CYP2J2: variants seen among roughly 807,000 people sequenced by gnomAD.
The protein encoded by CYP2J2 is cytochrome P450 family 2 subfamily J member 2, also known as cytochrome P450 2J2.
CYP2J2 carries 41 observed loss-of-function variants against 48.8 expected under a neutral mutation model. That is an observed-to-expected ratio of 0.84 (90% CI 0.66 to 1.09). The LOEUF is 1.09. Ranked by LOEUF, CYP2J2 falls within the 50% of genes least tolerant of loss-of-function variation. The probability of loss-of-function intolerance (pLI) is 0.00; values close to 1 mark genes in which losing one functional copy is unlikely to be tolerated. For synonymous variants in CYP2J2, 221 were observed against 227.1 expected (o/e 0.97, Z 0.24); for missense variants, 644 against 617.3 (o/e 1.04, Z -0.46).
chr1:59,938,287 C>T, the CYP2J2 span, among the ~76,000 whole-genome samples: 6 of 152,172 alleles, frequency 3.9e-5, no homozygotes, highest in Non-Finnish European at 7.3e-5. Context: ...TGGCGCTCAG[C>T]ATGCGGAGGA....
At chr1:59,904,818 A>C (rs1644351207) in intron 7 of CYP2J2, 53 bp downstream of exon 7, 11 of 1,469,284 alleles carry the variant, frequency 7.5e-6, no homozygotes, top group Non-Finnish European at 1.0e-5. Flanking sequence ...GTCACTTCTC[A>C]AGTTCAAGTT....
At chr1:59,909,649 T>C (rs1358682683) in intron 5 of CYP2J2, 135 bp downstream of exon 5, 3 of 623,768 alleles carry the variant, frequency 4.8e-6, no homozygotes, top group Non-Finnish European at 5.4e-6. Flanking sequence ...TTCTGATATC[T>C]AGAACTGTGA....
the CYP2J2 span, among the ~76,000 whole-genome samples, chr1:59,967,826 T>C: frequency 4.9e-4 from 74 of 152,346 alleles, no homozygotes; most frequent in African/African-American, 1.8e-3. Context: ...AATTGTTTTA[T>C]TTATATTTCC....
the CYP2J2 span, among the ~76,000 whole-genome samples, chr1:59,932,699 A>T: frequency 2.7e-5 from 4 of 147,814 alleles, no homozygotes; most frequent in East Asian, 1.9e-4. Context: ...TTATTTTCTT[A>T]TTCTATTTTT....
chr1:59,958,416 G>A, the CYP2J2 span, among the ~76,000 whole-genome samples: 305 of 152,196 alleles, frequency 2.0e-3, no homozygotes, highest in Non-Finnish European at 2.6e-3. Flanking sequence ...TTCTCCTCTG[G>A]GAATACCGCC....
intron 4 of CYP2J2, among the ~76,000 whole-genome samples, chr1:59,910,662 A>G (rs1185544286): frequency 6.6e-6 from 1 of 152,210 alleles, no homozygotes; most frequent in East Asian, 1.9e-4. Context: ...AAGCACACAT[A>G]CATACAAATC....
chr1:59,947,564 C>T, the CYP2J2 span, among the ~76,000 whole-genome samples: 1 of 152,114 alleles, frequency 6.6e-6, no homozygotes, highest in South Asian at 2.1e-4. Context: ...CCCAGAGTTG[C>T]TAGGAGAGCT....
rs867037027 is a variant in CYP2J2 at position 59,904,937 on chromosome 1, G to A, written c.1125C>T (p.Ile375=). Residue 375 remains isoleucine, a synonymous_variant, in exon 7 of 9, where the codon ATC becomes ATT. Coordinates refer to ENST00000371204, the MANE Select transcript of CYP2J2 (RefSeq NM_000775.4). ...VIHEVQRMGN[I]IPLNVPREVT... ...CTTCCCTGGGAACGTTCAGGGGGAT[G>A]ATGTTGCCCATTCTCTGCACCTCAT... is the stretch of plus-strand genomic sequence containing the variant. 6.2e-7 allele frequency: 1 copy of A among 1,613,906 alleles called. No individual in the cohort carries two copies. Among genetic ancestry groups the A allele is most frequent in the East Asian group, 2.2e-5 (1 of 44,854 alleles).
At chr1:59,947,282 A>G in the CYP2J2 span, among the ~76,000 whole-genome samples, 1 of 152,222 alleles carries the variant, frequency 6.6e-6, no homozygotes, top group Non-Finnish European at 1.5e-5. Flanking sequence ...TCATCTGTGT[A>G]GTTTGAAAAC....
intron 8 of CYP2J2, among the ~76,000 whole-genome samples, chr1:59,894,391 T>C (rs1644251038): frequency 1.3e-5 from 2 of 152,290 alleles, no homozygotes; most frequent in South Asian, 4.2e-4. Context: ...TGGTTCTTCT[T>C]ATGCACAGTG....
chr1:59,915,821 G>C, intron 2 of CYP2J2, 117 bp downstream of exon 2: 1 of 968,530 alleles, frequency 1.0e-6, no homozygotes, highest in Non-Finnish European at 1.5e-6. Flanking sequence ...GTGGCAGGAA[G>C]TTTATTATGG....
intron 8 of CYP2J2, among the ~76,000 whole-genome samples, chr1:59,898,901 G>T (rs561813621): frequency 6.6e-6 from 1 of 152,306 alleles, no homozygotes; most frequent in South Asian, 2.1e-4. Flanking sequence ...CAAAGCAGCA[G>T]TGAGTCACCA....
chr1:59,896,328 GTA>G (rs59615950), intron 8 of CYP2J2, among the ~76,000 whole-genome samples: 151 of 146,662 alleles, frequency 1.0e-3, no homozygotes, highest in African/African-American at 2.4e-3. Context: ...TACACACCAA[GTA>G]TATATATATA....
upstream of CYP2J2, among the ~76,000 whole-genome samples, chr1:59,930,113 T>C (rs915832509): frequency 7.9e-5 from 12 of 152,146 alleles, no homozygotes; most frequent in Non-Finnish European, 1.0e-4. Context: ...TAGGATGATA[T>C]ATTCTAAGTG....
At chr1:59,934,219 CAGACAAA>C in the CYP2J2 span, among the ~76,000 whole-genome samples, 3 of 152,054 alleles carry the variant, frequency 2.0e-5, no homozygotes, top group Non-Finnish European at 2.9e-5. Flanking sequence ...TTATATAACA[CAGACAAA>C]AATAAACTCA....
chr1:59,893,455 T>G lies in CYP2J2; in HGVS notation c.*196A>C, dbSNP rs1644240822. 8 of 483,438 alleles carry G rather than the reference T, an allele frequency of 1.7e-5. No homozygotes were observed. The East Asian group carries it at 2.5e-4, about 15-fold the overall frequency. The allele number at this position is 483,438 out of a possible 1,614,324, so 29.9% of individuals were successfully genotyped here. ...ATAAAAAGGTAAATTATTTAGCATATAAATGATTTTCCCAAGGCTAATTCG... is the reference window on the plus strand; with the variant it reads ...ATAAAAAGGTAAATTATTTAGCATAGAAATGATTTTCCCAAGGCTAATTCG... On this transcript the variant is annotated 3_prime_UTR_variant, in exon 9 of 9. Transcript: ENST00000371204.
At chr1:59,896,507 A>G (rs1027904825) in intron 8 of CYP2J2, among the ~76,000 whole-genome samples, 4 of 152,034 alleles carry the variant, frequency 2.6e-5, no homozygotes, top group Non-Finnish European at 4.4e-5. Flanking sequence ...TATCCTCAAT[A>G]TATTTACTTA....
the CYP2J2 span, among the ~76,000 whole-genome samples, chr1:59,938,630 C>T: frequency 1.8e-4 from 28 of 151,546 alleles, no homozygotes; most frequent in South Asian, 4.4e-3. Context: ...GGTTTTATAC[C>T]GAGACATTCC....
At chr1:59,935,207 C>T in the CYP2J2 span, among the ~76,000 whole-genome samples, 83 of 151,240 alleles carry the variant, frequency 5.5e-4, 1 homozygote, top group African/African-American at 1.9e-3. Flanking sequence ...CCAAAAAAGT[C>T]AAACTCAGTG....
Sources: gnomAD v4.1 joint callset for allele counts (sites outside exome capture counted in the v4.1 genomes callset) on GRCh38, gnomAD v4.1.1 for gene constraint, MANE v1.5 for transcripts, NCBI Gene and HGNC (gene_info 2026-07-23, HGNC 2026-07-21) for gene names.